Variants in SLIT1 observed in about 807,000 individuals in gnomAD.
The protein encoded by SLIT1 is slit homolog 1 protein.
Under a neutral mutation model 186.1 loss-of-function variants are expected in SLIT1, and 66 were observed. The observed-to-expected ratio is 0.35, with a 90% CI of 0.29 to 0.44. The LOEUF is 0.44. Among genes scored for constraint, SLIT1 ranks in the 20% least tolerant of loss-of-function variants. SLIT1 has a pLI of 1.00. For missense variants in SLIT1, 1,638 were observed against 2,037.4 expected (o/e 0.80, Z 3.77); for synonymous variants, 761 against 833.8 (o/e 0.91, Z 1.50).
In SLIT1 at chr10:97,014,374, C is replaced by T. The variant is rs543598911; in HGVS notation, c.2970-216G>A. Among the ~76,000 whole-genome samples, 3 of 152,142 alleles carry T rather than the reference C, an allele frequency of 2.0e-5. No individual in the cohort carries two copies. In the South Asian group the frequency reaches 6.2e-4, roughly 32 times the overall value. Reference sequence around the variant, plus strand: ...GGGGAGGCTAAAAGGAGATGGATGGCGAGGGGAGAGGTAGTGAGGACCAGG... The same window carrying T: ...GGGGAGGCTAAAAGGAGATGGATGGTGAGGGGAGAGGTAGTGAGGACCAGG... On this transcript the variant is annotated intron_variant, in intron 28 of 36. Transcript: ENST00000266058.
In SLIT1 at chr10:97,021,398, G is replaced by A. The variant is rs1418658764; in HGVS notation, c.2598C>T (p.Asn866=). 6.2e-7 allele frequency: 1 copy of A among 1,613,660 alleles called. No individual in the cohort carries two copies. Among genetic ancestry groups the A allele is most frequent in the Non-Finnish European group, 8.5e-7 (1 of 1,179,836 alleles). Reference sequence around the variant, plus strand: ...GGAGGTGGCAGTCACAGTATAGGGGGTTGGCACCAATGGCCCTGAGCAGAA... The same window carrying A: ...GGAGGTGGCAGTCACAGTATAGGGGATTGGCACCAATGGCCCTGAGCAGAA... ...TSLSHLAIGA[N]PLYCDCHLRW... Residue 866 remains asparagine (N), a synonymous_variant, in exon 26 of 37, where the codon AAC becomes AAT. Coordinates refer to ENST00000266058, the MANE Select transcript of SLIT1 (RefSeq NM_003061.3). The surrounding 1 kb of genome is among the most constrained non-coding windows in gnomAD (Gnocchi z 4.5).
At chr10:97,031,441 C>G (rs1848589635) in intron 24 of SLIT1, among the ~76,000 whole-genome samples, 165 bp downstream of exon 24, 1 of 152,234 alleles carries the variant, frequency 6.6e-6, no homozygotes, top group African/African-American at 2.4e-5. Context: ...CACGCCCCAG[C>G]TTCTTGGGAA....
At chr10:97,040,943 A>G (rs1848685273) in intron 20 of SLIT1, among the ~76,000 whole-genome samples, 1 of 152,168 alleles carries the variant, frequency 6.6e-6, no homozygotes, top group Non-Finnish European at 1.5e-5. Context: ...CAGGCCCCAC[A>G]GGATAAGGGT....
At chr10:97,062,216 C>T (rs773127603) in intron 8 of SLIT1, among the ~76,000 whole-genome samples, 17 of 151,034 alleles carry the variant, frequency 1.1e-4, no homozygotes, top group African/African-American at 1.7e-4. Flanking sequence ...CACACTCATA[C>T]GCACATCTGC....
chr10:97,043,201 G>A lies in SLIT1; in HGVS notation c.1998-134C>T, dbSNP rs1158410310. 5 of 1,318,272 alleles carry A rather than the reference G, an allele frequency of 3.8e-6. No homozygotes were observed. Among genetic ancestry groups the A allele is most frequent in the African/African-American group, 2.9e-5 (2 of 68,486 alleles). The allele number at this position is 1,318,272 out of a possible 1,614,324, so 81.7% of individuals were successfully genotyped here. On this transcript the variant is annotated intron_variant, in intron 19 of 36. Coordinates refer to ENST00000266058, the MANE Select transcript of SLIT1 (RefSeq NM_003061.3). The surrounding 1 kb of genome is among the most constrained non-coding windows in gnomAD (Gnocchi z 7.0). ...CTCCCAGACCACCACCCATCACCAAGAGGACCGGCTCTGAGGACCGGAGGG... is the reference window on the plus strand; with the variant it reads ...CTCCCAGACCACCACCCATCACCAAAAGGACCGGCTCTGAGGACCGGAGGG...
Position 97,004,835 on chromosome 10 carries a change from T to C in SLIT1, c.3580-12A>G. 6.2e-7 allele frequency: 1 copy of C among 1,614,064 alleles called. No homozygotes were observed. The highest frequency in any genetic ancestry group is 8.5e-7 in the Non-Finnish European group (1 of 1,179,968). On this transcript the variant is annotated splice_polypyrimidine_tract_variant and intron_variant, in intron 32 of 36. Coordinates refer to ENST00000266058, the MANE Select transcript of SLIT1 (RefSeq NM_003061.3). This position sits in a 1 kb window ranked among gnomAD's most constrained non-coding sequence, Gnocchi z 5.1. ...TCTGCCGTGGAGACCTGATGGGCAG[T>C]GGCACTTTCTCTCCCACCCCACCCC...
rs184088018 is a variant in SLIT1, at chr10:97,160,498, A to G, written c.342-2609T>C. On this transcript the variant is annotated intron_variant, in intron 3 of 36. Coordinates refer to ENST00000266058, the MANE Select transcript of SLIT1 (RefSeq NM_003061.3). ...CCAGATTGCTCCCAAGGCCCTTTGG[A>G]AAATCTCACTCCATCTTCCAGAAAC... Among the ~76,000 whole-genome samples, 432 of 152,328 alleles carry G rather than the reference A, an allele frequency of 2.8e-3. 1 individual carries two copies. The highest frequency in any genetic ancestry group is 0.01 in the African/African-American group (417 of 41,574).
At chr10:97,040,284 C>T (rs563358282) in intron 20 of SLIT1, among the ~76,000 whole-genome samples, 164 bp from the exon 21 acceptor site, 6 of 152,210 alleles carry the variant, frequency 3.9e-5, no homozygotes, top group Non-Finnish European at 8.8e-5. Flanking sequence ...CAGCCACCAC[C>T]GCCACCAGGA....
At chr10:97,177,085 G>A (rs535480469) in intron 1 of SLIT1, among the ~76,000 whole-genome samples, 25 of 152,268 alleles carry the variant, frequency 1.6e-4, no homozygotes, top group South Asian at 6.2e-4. Context: ...CTGGGAATCC[G>A]CATTTTGTAC....
Position 97,006,877 on chromosome 10 carries a change from G to A in SLIT1, c.3342-157C>T, listed in dbSNP as rs1184946135. 6.6e-6 allele frequency among the ~76,000 whole-genome samples: 1 copy of A among 152,200 alleles called. No homozygotes were observed. Among genetic ancestry groups the A allele is most frequent in the Admixed American group, 6.5e-5 (1 of 15,286 alleles). On this transcript the variant is annotated intron_variant, in intron 31 of 36. Coordinates refer to ENST00000266058, the MANE Select transcript of SLIT1 (RefSeq NM_003061.3). This position sits in a 1 kb window ranked among gnomAD's most constrained non-coding sequence, Gnocchi z 4.0. ...TAAACACTTTTCATGAGAGAGCTGA[G>A]AGCCAGAAGGATACCAGGATACAAG...
rs1491239491 is a variant in SLIT1 at position 97,166,554 on chromosome 10, G to GAGAGAGAGA, written c.198-1665_198-1664insTCTCTCTCT. Among the ~76,000 whole-genome samples the GAGAGAGAGA allele has an allele frequency of 2.0e-4, 7 of 35,326 alleles. 1 individual carries two copies. Among genetic ancestry groups the GAGAGAGAGA allele is most frequent in the African/African-American group, 6.4e-4 (6 of 9,310 alleles). The allele number at this position is 35,326 out of a possible 152,430, so 23.2% of individuals were successfully genotyped here. A position where few individuals can be genotyped will look rare whatever the true frequency, so the allele number is the denominator to read the frequency against. ...AAGAAGGAAGGAAGGAAGGAAGGAA[G>GAGAGAGAGA]GAAAGAGAGAGAGAGAGAAAGAAAG... is the stretch of plus-strand genomic sequence containing the variant. On this transcript the variant is annotated intron_variant, in intron 1 of 36. Coordinates refer to ENST00000266058, the MANE Select transcript of SLIT1 (RefSeq NM_003061.3).
At chr10:97,168,191 GTTA>G (rs1850144440) in intron 1 of SLIT1, among the ~76,000 whole-genome samples, 1 of 151,914 alleles carries the variant, frequency 6.6e-6, no homozygotes, top group South Asian at 2.1e-4. Flanking sequence ...CATCTATGTT[GTTA>G]TAAACCAACA....
intron 4 of SLIT1, among the ~76,000 whole-genome samples, chr10:97,125,210 T>C (rs1849593613): frequency 6.6e-6 from 1 of 152,012 alleles, no homozygotes; most frequent in Non-Finnish European, 1.5e-5. Context: ...TTTCTAGGAG[T>C]GGGTCCTACT....
chr10:97,041,771 T>C (rs1456314578), intron 20 of SLIT1, among the ~76,000 whole-genome samples: 1 of 152,176 alleles, frequency 6.6e-6, no homozygotes, highest in African/African-American at 2.4e-5. Context: ...GCGCCTGGCC[T>C]GTCAGTAACT....
intron 8 of SLIT1, 117 bp downstream of exon 8, chr10:97,063,337 TG>T (rs1403082772): frequency 6.4e-6 from 7 of 1,092,372 alleles, no homozygotes; most frequent in Non-Finnish European, 6.8e-6. Context: ...GGCCAGGTGA[TG>T]GGCGGGGTCA....
chr10:97,099,018 G>A (rs1433867340), intron 4 of SLIT1, among the ~76,000 whole-genome samples: 1 of 152,156 alleles, frequency 6.6e-6, no homozygotes, highest in Non-Finnish European at 1.5e-5. Context: ...GATGTTAGGG[G>A]ACCAAGGGAG....
chr10:97,157,697 G>A, intron 4 of SLIT1, 121 bp downstream of exon 4: 1 of 752,784 alleles, frequency 1.3e-6, no homozygotes, highest in Non-Finnish European at 2.3e-6. Flanking sequence ...TTCCTGCCAG[G>A]GGAGGAGCAC....
intron 21 of SLIT1, among the ~76,000 whole-genome samples, chr10:97,038,007 C>T (rs879915094): frequency 2.0e-5 from 3 of 152,118 alleles, no homozygotes; most frequent in Non-Finnish European, 4.4e-5. Context: ...CTCTCGGTTC[C>T]CTTCTCGCTT....
chr10:97,049,057 G>T lies in SLIT1; in HGVS notation c.1363C>A (p.Arg455Ser), dbSNP rs767716179. 1 of 1,613,628 alleles carries T rather than the reference G, an allele frequency of 6.2e-7. No homozygotes were observed. The highest frequency in any genetic ancestry group is 8.5e-7 in the Non-Finnish European group (1 of 1,179,980). The change falls in exon 14 of 37, where the codon CGC (arginine) becomes AGC (serine). Residue 455 changes from arginine to serine, a missense_variant. By Grantham distance (110) the Arg-to-Ser change is moderately radical (BLOSUM62 -1). Around this residue, in one of 3 missense-constraint regions of SLIT1, gnomAD observed 1,245 missense variants for 1,535.3 expected, o/e 0.81. Coordinates refer to ENST00000266058, the MANE Select transcript of SLIT1 (RefSeq NM_003061.3). ...CNLKWLADFL[R>S]TNPIETSGAR... is the part of the protein sequence containing the mutation. ...CCACTCGTCTCGATGGGATTGGTGC[G>T]CAGGAAGTCTGCCAGCCACTTGAGG...
Sources: gnomAD v4.1 joint callset for allele counts (sites outside exome capture counted in the v4.1 genomes callset) on GRCh38, gnomAD v4.1.1 for gene constraint, gnomAD v4.1.1 regional missense constraint, Gnocchi (gnomAD v3.1) non-coding constraint, MANE v1.5 for transcripts, NCBI Gene and HGNC (gene_info 2026-07-23, HGNC 2026-07-21) for gene names.